The following ITCH variants were observed in gnomAD, a reference collection of about 807,000 sequenced individuals.
ITCH encodes itchy E3 ubiquitin protein ligase, also known as E3 ubiquitin-protein ligase Itchy homolog.
ITCH carries 28 observed loss-of-function variants against 126.8 expected under a neutral mutation model. That is an observed-to-expected ratio of 0.22 (90% confidence interval 0.16 to 0.30). The LOEUF is 0.30. Among genes scored for constraint, ITCH ranks in the 10% least tolerant of loss-of-function variants. The probability of loss-of-function intolerance (pLI) is 1.00; values close to 1 mark genes in which losing one functional copy is unlikely to be tolerated. For missense variants in ITCH, 631 were observed against 1,032.4 expected (o/e 0.61, Z 5.33); for synonymous variants, 342 against 340.0 (o/e 1.01, Z -0.06).
chr20:34,462,243 GA>G, intron 14 of ITCH, 22 bp downstream of exon 14: 1 of 1,610,004 alleles, frequency 6.2e-7, no homozygotes, highest in Non-Finnish European at 8.5e-7. Flanking sequence ...AAACATTGTA[GA>G]TTAAGAGTAA....
rs11467934 is a variant in ITCH at position 34,469,717 on chromosome 20, TTAAAGA to T, written c.1425-325_1425-320del. Among the ~76,000 whole-genome samples the T allele has an allele frequency of 9.8e-3, 1,499 of 152,280 alleles. 24 individuals are homozygous for T. Among genetic ancestry groups the T allele is most frequent in the African/African-American group, 0.035 (1,436 of 41,532 alleles). ...CTTAGTTAAATAGCAAGGGTTTTACTTAAAGATAAAGGAGGGAATTGATGTTGGGAT... is the reference window on the plus strand; with the variant it reads ...CTTAGTTAAATAGCAAGGGTTTTACTTAAAGGAGGGAATTGATGTTGGGAT... On this transcript the variant is annotated intron_variant, in intron 14 of 24. Transcript: ENST00000374864.
At chr20:34,463,370 C>T (rs555107326) in intron 14 of ITCH, among the ~76,000 whole-genome samples, 26 of 152,250 alleles carry the variant, frequency 1.7e-4, no homozygotes, top group African/African-American at 6.0e-4. Flanking sequence ...CTCAAAAAAA[C>T]ACCAAAAACC....
chr20:34,390,443 CTTTTTTTTTTTTT>C (rs546555130), intron 2 of ITCH, among the ~76,000 whole-genome samples: 3 of 90,792 alleles, frequency 3.3e-5, no homozygotes, highest in East Asian at 6.8e-4. Context: ...CAAGAATAAT[CTTTTTTTTTTTTT>C]TTTTTTTTTT....
intron 2 of ITCH, among the ~76,000 whole-genome samples, chr20:34,379,656 G>T (rs550072235): frequency 6.7e-6 from 1 of 148,362 alleles, no homozygotes; most frequent in Non-Finnish European, 1.5e-5. Context: ...GTGCAGTAGT[G>T]CGATCTTGAC....
Position 34,397,678 on chromosome 20 carries a change from G to A in ITCH, c.70+3797G>A, listed in dbSNP as rs914986958. On this transcript the variant is annotated intron_variant, in intron 3 of 24. Transcript: ENST00000374864. The stretch of plus-strand genomic sequence containing the variant: ...CTGGTATCTTTCCTTAGCAGTATCT[G>A]TTTCTTAAAGAAAGATATTACTATT... 1.1e-4 allele frequency among the ~76,000 whole-genome samples: 17 copies of A among 151,990 alleles called. 1 individual carries two copies. Among genetic ancestry groups the A allele is most frequent in the African/African-American group, 3.9e-4 (16 of 41,368 alleles).
chr20:34,420,229 A>G (rs970689823), intron 6 of ITCH, among the ~76,000 whole-genome samples: 3 of 152,320 alleles, frequency 2.0e-5, no homozygotes, highest in Admixed American at 1.3e-4. Flanking sequence ...CACCTTAGAA[A>G]AAAAACCCCA....
chr20:34,407,297 C>T (rs1369480116), intron 3 of ITCH, among the ~76,000 whole-genome samples: 4 of 152,002 alleles, frequency 2.6e-5, no homozygotes, highest in African/African-American at 9.7e-5. Flanking sequence ...TACGTAGGCT[C>T]ACTCTGTCGC....
At chr20:34,376,431 G>T (rs1322352176) in intron 2 of ITCH, among the ~76,000 whole-genome samples, 1 of 151,736 alleles carries the variant, frequency 6.6e-6, no homozygotes, top group Admixed American at 6.6e-5. Context: ...CTGGGCAACA[G>T]AGTGTGACCG....
intron 4 of ITCH, 75 bp downstream of exon 4, chr20:34,408,867 C>T (rs1978533726): frequency 2.0e-6 from 3 of 1,485,658 alleles, no homozygotes; most frequent in African/African-American, 1.4e-5. Context: ...AAAAATGTTT[C>T]TCACTTTGGT....
chr20:34,469,692 C>T lies in ITCH; in HGVS notation c.1425-356C>T, dbSNP rs187966419. Among the ~76,000 whole-genome samples the T allele has an allele frequency of 7.9e-5, 12 of 152,174 alleles. No individual in the cohort carries two copies. In the East Asian group the frequency reaches 2.3e-3, roughly 29 times the overall value. ...AGTCTTTATTATATGTAGCATTCTA[C>T]TTAGTTAAATAGCAAGGGTTTTACT... On this transcript the variant is annotated intron_variant, in intron 14 of 24. Transcript: ENST00000374864.
At chr20:34,448,298 C>CAGG (rs1984719841) in intron 11 of ITCH, among the ~76,000 whole-genome samples, 1 of 151,798 alleles carries the variant, frequency 6.6e-6, no homozygotes, top group Non-Finnish European at 1.5e-5. Context: ...GAGGCTGAGG[C>CAGG]AGGAGAATCA....
rs369260044 is a variant in ITCH, at chr20:34,431,969, G to A, written c.522-6505G>A. 6.6e-5 allele frequency among the ~76,000 whole-genome samples: 10 copies of A among 151,438 alleles called. No individual in the cohort carries two copies. The East Asian group carries it at 1.2e-3, about 18-fold the overall frequency. The stretch of plus-strand genomic sequence containing the variant: ...TGAGGCAGGAGAATTGCTTGAACCC[G>A]GGAGGTGGAGATTGCAGTGAGCTGA... On this transcript the variant is annotated intron_variant, in intron 7 of 24. Coordinates refer to ENST00000374864, the MANE Select transcript of ITCH (RefSeq NM_031483.7).
At chr20:34,438,716 G>C (rs6088499) in intron 8 of ITCH, 85 bp downstream of exon 8, 8 of 1,490,124 alleles carry the variant, frequency 5.4e-6, no homozygotes, top group South Asian at 1.1e-5. Context: ...AATTCTTTTA[G>C]GTGAATTTTC....
chr20:34,424,178 A>G (rs1981170211), intron 6 of ITCH, among the ~76,000 whole-genome samples: 1 of 152,194 alleles, frequency 6.6e-6, no homozygotes, highest in South Asian at 2.1e-4. Flanking sequence ...CTAGGTTTAA[A>G]TTAGAGTTAG....
chr20:34,477,667 T>C (rs943958538), intron 16 of ITCH, 105 bp from the exon 17 acceptor site: 5 of 951,402 alleles, frequency 5.3e-6, no homozygotes, highest in Admixed American at 3.8e-5. Context: ...TTCTGTGTCA[T>C]GGGAGATTTC....
chr20:34,369,714 T>C (rs1039121376), intron 2 of ITCH, among the ~76,000 whole-genome samples: 1 of 152,248 alleles, frequency 6.6e-6, no homozygotes, highest in African/African-American at 2.4e-5. Context: ...CTTATACATA[T>C]GCATACTTTT....
Position 34,489,883 on chromosome 20 carries a change from G to A in ITCH, c.2276G>A (p.Arg759His), listed in dbSNP as rs759593203. The A allele has an allele frequency of 4.3e-6, 7 of 1,613,908 alleles. No individual in the cohort carries two copies. Among genetic ancestry groups the A allele is most frequent in the Middle Eastern group, 1.7e-4 (1 of 6,036 alleles). ...GACTGGCAAAGACATGCCATCTACC[G>A]TCATTATGCAAGGACCAGCAAACAA... ...LNDWQRHAIY[R>H]HYARTSKQIM... The change falls in exon 22 of 25, where the codon CGT becomes CAT. Residue 759 changes from arginine to histidine, a missense_variant. Transcript: ENST00000374864.
intron 23 of ITCH, among the ~76,000 whole-genome samples, chr20:34,495,921 TAAAAAAAAAAAAA>T (rs35357680): frequency 2.0e-5 from 1 of 49,962 alleles, no homozygotes; most frequent in African/African-American, 7.2e-5. Flanking sequence ...CTGAAAATAC[TAAAAAAAAAAAAA>T]AAAAAAAAAA....
chr20:34,494,404 A>G (rs886658468), intron 23 of ITCH, among the ~76,000 whole-genome samples: 2 of 150,612 alleles, frequency 1.3e-5, no homozygotes, highest in Non-Finnish European at 3.0e-5. Context: ...GTTAGGAGAC[A>G]GAAACAGTGA....
Sources: allele counts gnomAD v4.1 joint callset (sites outside exome capture counted in the v4.1 genomes callset), GRCh38; gene constraint gnomAD v4.1.1; transcripts MANE v1.5; gene names NCBI Gene and HGNC (gene_info 2026-07-23, HGNC 2026-07-21).